EHD4: variants seen among roughly 807,000 people sequenced by gnomAD.
The protein encoded by EHD4 is EH domain containing 4, also known as EH domain-containing protein 4.
EHD4 carries 37 observed loss-of-function variants against 51.0 expected under a neutral mutation model. That is an observed-to-expected ratio of 0.73 (90% CI 0.56 to 0.95). The LOEUF (loss-of-function observed/expected upper bound fraction) is 0.95. Among genes scored for constraint, EHD4 ranks in the 40% least tolerant of loss-of-function variants. The pLI is 0.00. For missense variants in EHD4, 632 were observed against 733.1 expected, an observed-to-expected ratio of 0.86 and a Z score of 1.59; for synonymous variants, 297 against 317.3, an observed-to-expected ratio of 0.94 and a Z score of 0.68.
chr15:41,960,670 ATTT>A (rs577281838), intron 1 of EHD4, among the ~76,000 whole-genome samples: 1 of 127,912 alleles, frequency 7.8e-6, no homozygotes. Context: ...CTTCACTTAC[ATTT>A]TTTTTTTTTT....
At chr15:41,955,863 G>A (rs1223207203) in intron 1 of EHD4, among the ~76,000 whole-genome samples, 1 of 152,162 alleles carries the variant, frequency 6.6e-6, no homozygotes, top group Non-Finnish European at 1.5e-5. Flanking sequence ...GATCTCAAGG[G>A]TGAAGACATT....
Position 41,951,190 on chromosome 15 carries a change from T to A in EHD4, c.413+2574A>T, listed in dbSNP as rs186741178. 3.3e-5 allele frequency among the ~76,000 whole-genome samples: 5 copies of A among 152,258 alleles called. 1 individual carries two copies. In the South Asian group the frequency reaches 8.3e-4, roughly 25 times the overall value. ...TTATGCCTTGATTCCTCCCCCTCCA[T>A]TGAGGATAACAGTAGCATCATGTCA... On this transcript the variant is annotated intron_variant, in intron 2 of 5. Transcript: ENST00000220325.
At chr15:41,971,626 T>C (rs1239879180) in intron 1 of EHD4, among the ~76,000 whole-genome samples, 4 of 152,144 alleles carry the variant, frequency 2.6e-5, no homozygotes, top group African/African-American at 9.7e-5. Context: ...CAAATAGTAA[T>C]ATGACACTCC....
intron 5 of EHD4, among the ~76,000 whole-genome samples, chr15:41,902,390 C>T (rs1317998512): frequency 1.3e-5 from 2 of 152,144 alleles, no homozygotes; most frequent in African/African-American, 2.4e-5. Context: ...CATCCATCCA[C>T]CTACCCGACC....
At chr15:41,968,858 T>C (rs2067978389) in intron 1 of EHD4, among the ~76,000 whole-genome samples, 1 of 152,234 alleles carries the variant, frequency 6.6e-6, no homozygotes, top group African/African-American at 2.4e-5. Context: ...ATTCACAAAG[T>C]TGTGCAACCA....
intron 2 of EHD4, among the ~76,000 whole-genome samples, chr15:41,949,908 C>T (rs1216591620): frequency 6.6e-6 from 1 of 152,190 alleles, no homozygotes; most frequent in Admixed American, 6.5e-5. Context: ...GGATCCAATG[C>T]TCTGGGTGCC....
At chr15:41,945,814 G>A in intron 2 of EHD4, among the ~76,000 whole-genome samples, 1 of 152,244 alleles carries the variant, frequency 6.6e-6, no homozygotes, top group East Asian at 1.9e-4. Context: ...GTGTATAACA[G>A]CAGTGCAGTG....
At position 41,900,661 on chromosome 15, in the gene EHD4, A is replaced by T. The variant is rs763343727; in HGVS notation, c.1610T>A (p.Leu537Gln). Residue 537 changes from leucine to glutamine, a missense_variant, in exon 6 of 6, where the codon CTG (leucine) becomes CAG (glutamine). Physicochemically the swap from Leu to Gln is moderately radical, Grantham distance 113. Coordinates refer to ENST00000220325, the MANE Select transcript of EHD4 (RefSeq NM_139265.4). This position sits in a 1 kb window ranked among gnomAD's most constrained non-coding sequence, Gnocchi z 4.8. ...GCCCACCCCTCAGTCGGCCTTGGGC[A>T]GGGACTTCCTGTGCGAGGGGGGCAC... ...HLVPPSHRKS[L>Q]PKAD The T allele has an allele frequency of 1.9e-6, 3 of 1,592,944 alleles. No homozygotes were observed. Among genetic ancestry groups the T allele is most frequent in the Non-Finnish European group, 2.6e-6 (3 of 1,174,392 alleles).
chr15:41,938,664 CTAGAGT>C (rs2067747394), intron 3 of EHD4, among the ~76,000 whole-genome samples: 1 of 152,112 alleles, frequency 6.6e-6, no homozygotes, highest in South Asian at 2.1e-4. Context: ...CTTTTTCCTT[CTAGAGT>C]TATTTAAATT....
rs761033991 is a variant in EHD4 at position 41,900,126 on chromosome 15, G to A, written c.*519C>T. 1 of 153,722 alleles carries A rather than the reference G, an allele frequency of 6.5e-6. No individual in the cohort carries two copies. Among genetic ancestry groups the A allele is most frequent in the Non-Finnish European group, 1.5e-5 (1 of 68,898 alleles). The allele number at this position is 153,722 out of a possible 1,614,324, so 9.5% of individuals were successfully genotyped here. ...CCTTCTCTTTGGTAGACAGTCTGGA[G>A]ACAGCAGAAACCCTCTGCTCTATTT... On this transcript the variant is annotated 3_prime_UTR_variant, in exon 6 of 6. Transcript: ENST00000220325. This position sits in a 1 kb window ranked among gnomAD's most constrained non-coding sequence, Gnocchi z 4.8.
intron 1 of EHD4, among the ~76,000 whole-genome samples, chr15:41,972,006 G>A (rs2141012809): frequency 6.6e-6 from 1 of 152,270 alleles, no homozygotes; most frequent in African/African-American, 2.4e-5. Context: ...GACCGGACGA[G>A]GCCAGCGGGA....
intron 1 of EHD4, among the ~76,000 whole-genome samples, chr15:41,954,338 A>G (rs1483311120): frequency 2.0e-5 from 3 of 152,204 alleles, no homozygotes; most frequent in Non-Finnish European, 4.4e-5. Context: ...TGTCCCAACC[A>G]TGCCAGGAGG....
rs2067536180 is a variant in EHD4, at chr15:41,909,725, C to A, written c.1063G>T (p.Asp355Tyr). Residue 355 changes from aspartate (D) to tyrosine (Y), a missense_variant, in exon 5 of 6, where the codon GAC becomes TAC. Transcript: ENST00000220325. ...TGCATAGCCTTGACCTCAGGGAAGTCCCCTGCAGAAATCTGGTATTCTCGC... is the reference window on the plus strand; with the variant it reads ...TGCATAGCCTTGACCTCAGGGAAGTACCCTGCAGAAATCTGGTATTCTCGC... ...LQREYQISAGDFPEVKAMQEQ... is the reference protein window; with the variant it reads ...LQREYQISAGYFPEVKAMQEQ... 5 of 1,614,184 alleles carry A rather than the reference C, an allele frequency of 3.1e-6. No homozygotes were observed. The highest frequency in any genetic ancestry group is 4.2e-6 in the Non-Finnish European group (5 of 1,180,034).
At chr15:41,922,825 T>C (rs1241549740) in intron 3 of EHD4, among the ~76,000 whole-genome samples, 4 of 152,216 alleles carry the variant, frequency 2.6e-5, no homozygotes, top group Non-Finnish European at 5.9e-5. Context: ...TTTTCTTGTG[T>C]TAAAGCAACA....
intron 2 of EHD4, among the ~76,000 whole-genome samples, chr15:41,951,137 G>A (rs944765955): frequency 3.3e-5 from 5 of 152,174 alleles, no homozygotes; most frequent in African/African-American, 9.7e-5. Flanking sequence ...CACTGGTGGA[G>A]TGACCCCCAG....
intron 3 of EHD4, among the ~76,000 whole-genome samples, chr15:41,926,957 C>T (rs2067666491): frequency 1.3e-5 from 2 of 152,246 alleles, no homozygotes; most frequent in African/African-American, 2.4e-5. Context: ...TTTCCTGTTT[C>T]CTCCTGATGG....
At chr15:41,941,625 G>A (rs1334810423) in intron 3 of EHD4, 1 of 149,612 alleles carries the variant, frequency 6.7e-6, no homozygotes, top group African/African-American at 2.5e-5. Context: ...GGTTCTTGGA[G>A]GCCCGGGAAA....
chr15:41,966,169 G>A (rs1196092123), intron 1 of EHD4, among the ~76,000 whole-genome samples: 1 of 151,842 alleles, frequency 6.6e-6, no homozygotes, highest in African/African-American at 2.4e-5. Flanking sequence ...CCTTCCCCCA[G>A]GCCTAGCTGC....
intron 2 of EHD4, among the ~76,000 whole-genome samples, chr15:41,952,642 C>T (rs1171222193): frequency 6.6e-6 from 1 of 152,072 alleles, no homozygotes; most frequent in East Asian, 1.9e-4. Flanking sequence ...AAATAAAACA[C>T]ATCTCCAAGT....
Sources: gnomAD v4.1 joint callset for allele counts (sites outside exome capture counted in the v4.1 genomes callset) on GRCh38, gnomAD v4.1.1 for gene constraint, Gnocchi (gnomAD v3.1) non-coding constraint, MANE v1.5 for transcripts, NCBI Gene and HGNC (gene_info 2026-07-23, HGNC 2026-07-21) for gene names.